LTBP1: variants seen among roughly 807,000 people sequenced by gnomAD.
LTBP1 encodes latent transforming growth factor beta binding protein 1.
A neutral mutation model predicts 207.6 loss-of-function variants in LTBP1; 129 were observed. The ratio of observed to expected loss-of-function variants is 0.62; its 90% CI spans 0.54 to 0.72. The LOEUF (loss-of-function observed/expected upper bound fraction) is 0.72, where lower values mean the gene tolerates loss of function less well. Ranked by LOEUF, LTBP1 falls within the 30% of genes least tolerant of loss-of-function variation. The pLI is 0.00. For missense variants in LTBP1, 2,281 were observed against 2,217.2 expected, an observed-to-expected ratio of 1.03 and a Z score of -0.58; for synonymous variants, 963 against 833.7, an observed-to-expected ratio of 1.16 and a Z score of -2.67.
At chr2:33,248,953 C>T (rs1406773243) in intron 10 of LTBP1, among the ~76,000 whole-genome samples, 1 of 152,116 alleles carries the variant, frequency 6.6e-6, no homozygotes, top group Non-Finnish European at 1.5e-5. Context: ...AGGTAAGCTG[C>T]CTCTCAGACT....
intron 4 of LTBP1, among the ~76,000 whole-genome samples, chr2:33,119,912 T>A (rs1319614116): frequency 3.9e-5 from 6 of 152,216 alleles, no homozygotes; most frequent in Admixed American, 3.9e-4. Context: ...GGCTTTGTGT[T>A]ATTTTCTGTG....
intron 5 of LTBP1, among the ~76,000 whole-genome samples, chr2:33,139,686 A>G (rs1441779265): frequency 6.6e-6 from 1 of 152,200 alleles, no homozygotes; most frequent in Non-Finnish European, 1.5e-5. Flanking sequence ...AAACATTGGT[A>G]AGTTCCAAAG....
At chr2:33,205,439 C>A (rs143869147) in intron 7 of LTBP1, among the ~76,000 whole-genome samples, 1 of 152,272 alleles carries the variant, frequency 6.6e-6, no homozygotes, top group African/African-American at 2.4e-5. Flanking sequence ...CTAGGTTGTG[C>A]TTCAGTAACA....
intron 28 of LTBP1, 118 bp downstream of exon 28, chr2:33,361,633 A>G: frequency 4.7e-6 from 3 of 632,970 alleles, no homozygotes; most frequent in Non-Finnish European, 7.9e-6. Flanking sequence ...AACTGATTAC[A>G]AAGTCCTTAA....
chr2:33,375,775 C>G lies in LTBP1; in HGVS notation c.4711+10272C>G, dbSNP rs2095132508. Among the ~76,000 whole-genome samples the G allele has an allele frequency of 3.3e-5, 5 of 151,012 alleles. 1 individual carries two copies. In the Middle Eastern group the frequency reaches 0.014, roughly 411 times the overall value. The stretch of plus-strand genomic sequence containing the variant: ...GCCAGGGTGGCCTCAATCTCCTGAC[C>G]TCGTGATCTGCCCGCCTCGGCCTCC... On this transcript the variant is annotated intron_variant, in intron 31 of 33. Transcript: ENST00000404816.
chr2:33,142,223 T>C (rs2082689986), intron 5 of LTBP1, among the ~76,000 whole-genome samples: 1 of 151,940 alleles, frequency 6.6e-6, no homozygotes, highest in African/African-American at 2.4e-5. Context: ...GGCTAATTTT[T>C]TTTTTGTATT....
intron 25 of LTBP1, among the ~76,000 whole-genome samples, chr2:33,346,470 G>A (rs964535075): frequency 6.6e-6 from 1 of 152,008 alleles, no homozygotes; most frequent in African/African-American, 2.4e-5. Context: ...GATCACTTGA[G>A]GTCAGGAGTT....
intron 4 of LTBP1, among the ~76,000 whole-genome samples, chr2:33,115,969 G>T (rs1205491087): frequency 6.6e-6 from 1 of 152,202 alleles, no homozygotes; most frequent in Non-Finnish European, 1.5e-5. Context: ...ATTAAAGCCA[G>T]CAAATAATAT....
chr2:33,260,398 C>T (rs983362823), intron 13 of LTBP1, among the ~76,000 whole-genome samples: 1 of 152,072 alleles, frequency 6.6e-6, no homozygotes, highest in African/African-American at 2.4e-5. Flanking sequence ...TTATCTCCTT[C>T]TGCATAATAA....
In LTBP1 at chr2:33,289,433, C is replaced by T. The variant is rs151005240; in HGVS notation, c.3113-3727C>T. ...GGAGTACAACAGCATGATCACAGCT[C>T]ACTGCAGTCTCTAACTCCTGGGCTC... On this transcript the variant is annotated intron_variant, in intron 19 of 33. Transcript: ENST00000404816. Among the ~76,000 whole-genome samples, 294 of 152,290 alleles carry T rather than the reference C, an allele frequency of 1.9e-3. 1 individual carries two copies. Among genetic ancestry groups the T allele is most frequent in the African/African-American group, 5.9e-3 (244 of 41,562 alleles).
At chr2:33,213,589 C>T (rs953881740) in intron 7 of LTBP1, among the ~76,000 whole-genome samples, 2 of 152,294 alleles carry the variant, frequency 1.3e-5, no homozygotes, top group South Asian at 2.1e-4. Flanking sequence ...TTCCTGTAGG[C>T]ATTTCCTACA....
intron 9 of LTBP1, among the ~76,000 whole-genome samples, chr2:33,227,688 A>G (rs2091517163): frequency 6.6e-6 from 1 of 152,114 alleles, no homozygotes; most frequent in South Asian, 2.1e-4. Context: ...TTTCTCAGAC[A>G]TCAAGGACCC....
At chr2:33,021,524 T>C (rs1378470384) in intron 3 of LTBP1, among the ~76,000 whole-genome samples, 1 of 152,216 alleles carries the variant, frequency 6.6e-6, no homozygotes, top group African/African-American at 2.4e-5. Context: ...TTAAAAATTC[T>C]GTTTTTGAGG....
In LTBP1 at chr2:32,959,569, G is replaced by GTGTGTA. The variant is rs754890782; in HGVS notation, c.565+10627_565+10628insGTATGT. On this transcript the variant is annotated intron_variant, in intron 2 of 33. Coordinates refer to ENST00000404816, the MANE Select transcript of LTBP1 (RefSeq NM_206943.4). ...TATATATGTGTGTGTGTGTGTGTGT[G>GTGTGTA]TGTATGTATATGTATATATATGTAC... Among the ~76,000 whole-genome samples the GTGTGTA allele has an allele frequency of 5.8e-3, 803 of 138,160 alleles. 1 individual carries two copies. Among genetic ancestry groups the GTGTGTA allele is most frequent in the Middle Eastern group, 0.016 (4 of 248 alleles). The allele number at this position is 138,160 out of a possible 152,430, so 90.6% of individuals were successfully genotyped here. A position where few individuals can be genotyped will look rare whatever the true frequency, so the allele number is the denominator to read the frequency against.
At chr2:33,258,237 T>C (rs2092915317) in intron 12 of LTBP1, among the ~76,000 whole-genome samples, 2 of 152,242 alleles carry the variant, frequency 1.3e-5, no homozygotes, top group South Asian at 4.1e-4. Context: ...ATACTTCACA[T>C]ATCTTGCTTA....
At chr2:33,093,112 A>G (rs1211615652) in intron 3 of LTBP1, among the ~76,000 whole-genome samples, 2 of 152,148 alleles carry the variant, frequency 1.3e-5, no homozygotes, top group Non-Finnish European at 2.9e-5. Context: ...TCCAGCAGAC[A>G]TTTTCTGAAG....
chr2:32,947,582 C>G lies in LTBP1; in HGVS notation c.258C>G (p.Arg86=). The change falls in exon 1 of 34, where the codon CGC becomes CGG. Residue 86 remains arginine, a synonymous_variant. Coordinates refer to ENST00000404816, the MANE Select transcript of LTBP1 (RefSeq NM_206943.4). The stretch of plus-strand genomic sequence containing the variant: ...GGGTCCCCTCGGAGAGGACCCGGCG[C>G]ACGAGCAAGCCGGGCGGCGCGGCCC... ...SPGVPSERTR[R]TSKPGGAALQ... 1 of 1,319,814 alleles carries G rather than the reference C, an allele frequency of 7.6e-7. No homozygotes were observed. Among genetic ancestry groups the G allele is most frequent in the Non-Finnish European group, 9.6e-7 (1 of 1,039,086 alleles). The allele number at this position is 1,319,814 out of a possible 1,614,324, so 81.8% of individuals were successfully genotyped here.
intron 3 of LTBP1, among the ~76,000 whole-genome samples, chr2:33,023,264 A>G (rs1427025865): frequency 6.6e-6 from 1 of 152,258 alleles, no homozygotes; most frequent in Non-Finnish European, 1.5e-5. Flanking sequence ...TACAAGCAAC[A>G]TTATTCATCT....
intron 2 of LTBP1, among the ~76,000 whole-genome samples, chr2:32,991,033 G>T (rs1558482680): frequency 1.3e-5 from 2 of 152,318 alleles, no homozygotes; most frequent in East Asian, 3.9e-4. Context: ...AATAGAGAGA[G>T]CTGTAGCAAA....
Sources: gnomAD v4.1 joint callset for allele counts (sites outside exome capture counted in the v4.1 genomes callset) on GRCh38, gnomAD v4.1.1 for gene constraint, MANE v1.5 for transcripts, NCBI Gene and HGNC (gene_info 2026-07-23, HGNC 2026-07-21) for gene names.